TSPAN9: variants seen among roughly 807,000 people sequenced by gnomAD.
The protein encoded by TSPAN9 is tetraspanin 9.
TSPAN9 carries 16 observed loss-of-function variants against 31.0 expected under a neutral mutation model. The observed-to-expected ratio is 0.52, with a 90% CI of 0.35 to 0.78. The LOEUF is 0.78. Among genes scored for constraint, TSPAN9 ranks in the 30% least tolerant of loss-of-function variants. The pLI, the probability that TSPAN9 is intolerant of heterozygous loss-of-function variation, is 0.01. For synonymous variants in TSPAN9, 145 were observed against 121.6 expected (o/e 1.19, Z -1.27); for missense variants, 272 against 312.5 (o/e 0.87, Z 0.98).
chr12:3,278,284 A>T, intron 3 of TSPAN9, 137 bp from the exon 4 acceptor site: 3 of 1,262,680 alleles, frequency 2.4e-6, no homozygotes. Context: ...CTGCAGCCCA[A>T]CGGTAGTCCC....
rs1254906915 is a variant in TSPAN9, at chr12:3,192,290, G to C, written c.-17-8887G>C. ...TTACAGTGGAGAGGCACATGAGTGGGAAGATTGCATTGGCTGCTCTTGGTG... is the reference window on the plus strand; with the variant it reads ...TTACAGTGGAGAGGCACATGAGTGGCAAGATTGCATTGGCTGCTCTTGGTG... On this transcript the variant is annotated intron_variant, in intron 2 of 8. Transcript: ENST00000011898. The surrounding 1 kb of genome is among the most constrained non-coding windows in gnomAD (Gnocchi z 4.6). Among the ~76,000 whole-genome samples the C allele has an allele frequency of 6.6e-6, 1 of 152,220 alleles. No individual in the cohort carries two copies. The highest frequency in any genetic ancestry group is 2.4e-5 in the African/African-American group (1 of 41,462).
intron 2 of TSPAN9, among the ~76,000 whole-genome samples, chr12:3,103,239 C>A (rs1016189882): frequency 6.6e-6 from 1 of 152,224 alleles, no homozygotes; most frequent in East Asian, 1.9e-4. Context: ...AACACACTTG[C>A]CCTCAATGTG....
intron 3 of TSPAN9, among the ~76,000 whole-genome samples, chr12:3,278,127 G>A (rs932779011): frequency 2.6e-5 from 4 of 152,166 alleles, no homozygotes; most frequent in Non-Finnish European, 4.4e-5. Context: ...TATTTGTTAC[G>A]CACTTTTGCC....
intron 3 of TSPAN9, among the ~76,000 whole-genome samples, chr12:3,272,197 C>T (rs921630491): frequency 5.9e-5 from 9 of 152,168 alleles, no homozygotes; most frequent in South Asian, 2.1e-4. Context: ...TCTGCAGACA[C>T]ATGAGGCAGT....
Position 3,109,363 on chromosome 12 carries a change from T to A in TSPAN9, c.-18+25644T>A, listed in dbSNP as rs141759647. On this transcript the variant is annotated intron_variant, in intron 2 of 8. Coordinates refer to ENST00000011898, the MANE Select transcript of TSPAN9 (RefSeq NM_006675.5). ...ATTTTCTGTCTTTCCTGTGAACATTTTCTTCAGAAGTCTAGTGATCCTTGG... is the reference window on the plus strand; with the variant it reads ...ATTTTCTGTCTTTCCTGTGAACATTATCTTCAGAAGTCTAGTGATCCTTGG... Among the ~76,000 whole-genome samples, 534 of 151,474 alleles carry A rather than the reference T, an allele frequency of 3.5e-3. 4 individuals are homozygous for A. Among genetic ancestry groups the A allele is most frequent in the African/African-American group, 0.012 (485 of 41,140 alleles).
chr12:3,218,671 G>C (rs1442829139), intron 3 of TSPAN9, among the ~76,000 whole-genome samples: 1 of 152,198 alleles, frequency 6.6e-6, no homozygotes, highest in Non-Finnish European at 1.5e-5. Context: ...AAGGCACCAG[G>C]AAGGCTAGCT....
At chr12:3,164,180 T>G (rs1591655470) in intron 2 of TSPAN9, among the ~76,000 whole-genome samples, 1 of 152,338 alleles carries the variant, frequency 6.6e-6, no homozygotes, top group East Asian at 1.9e-4. Flanking sequence ...GCTTTCTCTT[T>G]CCTAAGGTGC....
chr12:3,268,244 T>C (rs941809242), intron 3 of TSPAN9, among the ~76,000 whole-genome samples: 4 of 128,704 alleles, frequency 3.1e-5, no homozygotes, highest in African/African-American at 9.6e-5. Context: ...TCCTGCAGCC[T>C]GCCCTCTGTG....
intron 2 of TSPAN9, 131 bp downstream of exon 2, chr12:3,083,850 T>A (rs994442194): frequency 6.6e-6 from 1 of 152,198 alleles, no homozygotes; most frequent in Non-Finnish European, 1.5e-5. Context: ...ATGCTGACAT[T>A]TTCTAGTTGT....
chr12:3,225,691 C>T (rs1456506454), intron 3 of TSPAN9, among the ~76,000 whole-genome samples: 1 of 152,048 alleles, frequency 6.6e-6, no homozygotes, highest in Non-Finnish European at 1.5e-5. Context: ...TCCACAATAA[C>T]AGGAAGCCAG....
Position 3,192,760 on chromosome 12 carries a change from A to G in TSPAN9, c.-17-8417A>G, listed in dbSNP as rs2098365106. On this transcript the variant is annotated intron_variant, in intron 2 of 8. Coordinates refer to ENST00000011898, the MANE Select transcript of TSPAN9 (RefSeq NM_006675.5). The surrounding 1 kb of genome is among the most constrained non-coding windows in gnomAD (Gnocchi z 4.6). Reference sequence around the variant, plus strand: ...ATGGTCATATAGAGGAAAGTTGGGCAGAAGAGAAGAGGGCTCAGAGCTGAG... The same window carrying G: ...ATGGTCATATAGAGGAAAGTTGGGCGGAAGAGAAGAGGGCTCAGAGCTGAG... Among the ~76,000 whole-genome samples, 1 of 152,174 alleles carries G rather than the reference A, an allele frequency of 6.6e-6. No homozygotes were observed. Among genetic ancestry groups the G allele is most frequent in the African/African-American group, 2.4e-5 (1 of 41,430 alleles).
Position 3,278,980 on chromosome 12 carries a change from T to G in TSPAN9, c.256-12T>G, listed in dbSNP as rs1194063459. 4 of 1,614,072 alleles carry G rather than the reference T, an allele frequency of 2.5e-6. No individual in the cohort carries two copies. The Admixed American group carries it at 5.0e-5, about 20-fold the overall frequency. On this transcript the variant is annotated splice_polypyrimidine_tract_variant and intron_variant, in intron 4 of 8. Coordinates refer to ENST00000011898, the MANE Select transcript of TSPAN9 (RefSeq NM_006675.5). ...ATTACCACCTACCCATGCCTGGCCC[T>G]TTCCTTTCCAGTTTTTCATCGTCCT...
chr12:3,273,741 T>G (rs915264107), intron 3 of TSPAN9, among the ~76,000 whole-genome samples: 1 of 152,178 alleles, frequency 6.6e-6, no homozygotes, highest in African/African-American at 2.4e-5. Context: ...CCCTGCCCGC[T>G]GCACTGGCTT....
At chr12:3,161,294 C>T (rs1015694611) in intron 2 of TSPAN9, among the ~76,000 whole-genome samples, 1 of 152,116 alleles carries the variant, frequency 6.6e-6, no homozygotes, top group Non-Finnish European at 1.5e-5. Flanking sequence ...TTTTTGGTGT[C>T]ATATCTAAGG....
At chr12:3,190,941 C>G (rs1211430503) in intron 2 of TSPAN9, among the ~76,000 whole-genome samples, 1 of 152,194 alleles carries the variant, frequency 6.6e-6, no homozygotes, top group African/African-American at 2.4e-5. Context: ...AAGGAGCTCA[C>G]AATTTGGGAG....
intron 3 of TSPAN9, among the ~76,000 whole-genome samples, chr12:3,226,769 TATATATATA>T (rs2098387824): frequency 1.1e-3 from 4 of 3,672 alleles, no homozygotes; most frequent in Non-Finnish European, 2.1e-3. Context: ...TATATATATA[TATATATATA>T]TATATATATA....
intron 2 of TSPAN9, among the ~76,000 whole-genome samples, chr12:3,100,632 G>A (rs1482242325): frequency 6.6e-6 from 1 of 152,196 alleles, no homozygotes; most frequent in African/African-American, 2.4e-5. Flanking sequence ...GGCTTTACCA[G>A]GGCTGTCCCC....
chr12:3,153,267 TTATCA>T (rs2098340719), intron 2 of TSPAN9, among the ~76,000 whole-genome samples: 1 of 152,204 alleles, frequency 6.6e-6, no homozygotes, highest in African/African-American at 2.4e-5. Flanking sequence ...AAAAAAATAC[TTATCA>T]TATAAGTAAT....
At chr12:3,097,196 G>T (rs2153964043) in intron 2 of TSPAN9, among the ~76,000 whole-genome samples, 1 of 152,276 alleles carries the variant, frequency 6.6e-6, no homozygotes, top group East Asian at 1.9e-4. Context: ...CCCAGATTCT[G>T]TCGTTTCTCT....
Sources: allele counts gnomAD v4.1 joint callset (sites outside exome capture counted in the v4.1 genomes callset), GRCh38; gene constraint gnomAD v4.1.1; non-coding constraint Gnocchi (gnomAD v3.1); transcripts MANE v1.5; gene names NCBI Gene and HGNC (gene_info 2026-07-23, HGNC 2026-07-21).